DST: variants seen among roughly 807,000 people sequenced by gnomAD.
The protein encoded by DST is dystonin.
Under a neutral mutation model 875.2 loss-of-function variants are expected in DST, and 253 were observed. That is an observed-to-expected ratio of 0.29 (90% confidence interval 0.26 to 0.32). The LOEUF is 0.32. Ranked by LOEUF, DST falls within the 10% of genes least tolerant of loss-of-function variation. The pLI is 1.00. For missense variants in DST, 8,287 were observed against 9,111.6 expected (o/e 0.91, Z 3.68); for synonymous variants, 3,124 against 3,197.1 (o/e 0.98, Z 0.77).
chr6:56,698,061 A>G (rs1022165535), intron 9 of DST, among the ~76,000 whole-genome samples: 15 of 152,316 alleles, frequency 9.8e-5, no homozygotes, highest in African/African-American at 3.6e-4. Flanking sequence ...TGACATTAAC[A>G]GCTCAGCTAA....
chr6:56,886,776 C>CA (rs35735421), intron 3 of DST, among the ~76,000 whole-genome samples: 9,129 of 81,590 alleles, frequency 0.11, 436 homozygotes, highest in East Asian at 0.26. Flanking sequence ...AACTCAGTCT[C>CA]AAAAAAAAAA....
intron 5 of DST, 74 bp from the exon 6 acceptor site, chr6:56,704,443 G>A (rs2099324538): frequency 1.5e-6 from 1 of 687,688 alleles, no homozygotes; most frequent in Non-Finnish European, 2.4e-6. Flanking sequence ...ATAAAAAGGA[G>A]ACAAGTAGAA....
At chr6:56,566,012 A>G (rs923217700) in intron 55 of DST, among the ~76,000 whole-genome samples, 2 of 152,060 alleles carry the variant, frequency 1.3e-5, no homozygotes, top group Non-Finnish European at 2.9e-5. Flanking sequence ...AAAACCACCT[A>G]CTCAAGCCTC....
chr6:56,489,430 T>C (rs966812377), intron 86 of DST, 60 bp downstream of exon 86: 67 of 1,516,810 alleles, frequency 4.4e-5, no homozygotes, highest in African/African-American at 1.7e-4. Flanking sequence ...GAAGTAAGGA[T>C]TTTAAAGTGA....
At chr6:56,755,720 T>C (rs983536047) in intron 4 of DST, among the ~76,000 whole-genome samples, 1 of 152,264 alleles carries the variant, frequency 6.6e-6, no homozygotes, top group Non-Finnish European at 1.5e-5. Flanking sequence ...TTGAAATTTA[T>C]TCCCATTTTC....
intron 4 of DST, among the ~76,000 whole-genome samples, chr6:56,802,695 A>G (rs2099748611): frequency 6.6e-6 from 1 of 152,130 alleles, no homozygotes; most frequent in African/African-American, 2.4e-5. Flanking sequence ...CTTTACACAC[A>G]TTACACCCAT....
At chr6:56,647,795 C>T (rs1395010887) in intron 13 of DST, among the ~76,000 whole-genome samples, 1 of 151,590 alleles carries the variant, frequency 6.6e-6, no homozygotes, top group Non-Finnish European at 1.5e-5. Flanking sequence ...AAGCGATTCT[C>T]CTGCCTCAGC....
chr6:56,689,629 G>A (rs563294558), intron 9 of DST, among the ~76,000 whole-genome samples: 1 of 152,256 alleles, frequency 6.6e-6, no homozygotes, highest in Non-Finnish European at 1.5e-5. Context: ...TGCAGAATAA[G>A]AATAGTAAAA....
chr6:56,483,527 C>CTTTTTTTTTTTTTTT (rs138042978), intron 88 of DST: 3 of 60,038 alleles, frequency 5.0e-5, no homozygotes, highest in African/African-American at 7.6e-5. Flanking sequence ...TCTGGGTTTG[C>CTTTTTTTTTTTTTTT]TTTTTTTTTT....
Position 56,532,173 on chromosome 6 carries a change from T to C in DST, c.17108+171A>G, listed in dbSNP as rs76719221. Among the ~76,000 whole-genome samples, 1,418 of 152,250 alleles carry C rather than the reference T, an allele frequency of 9.3e-3. 21 individuals are homozygous for C. The highest frequency in any genetic ancestry group is 0.032 in the African/African-American group (1,314 of 41,556). On this transcript the variant is annotated intron_variant, in intron 64 of 103. Coordinates refer to ENST00000680361, the MANE Select transcript of DST (RefSeq NM_001374736.1). Reference sequence around the variant, plus strand: ...GTTGGGATATAGCGGTGACAAGCCATTACCATTAGAGGAATGAGGAAAGAG... The same window carrying C: ...GTTGGGATATAGCGGTGACAAGCCACTACCATTAGAGGAATGAGGAAAGAG...
chr6:56,557,286 T>A lies in DST; in HGVS notation c.14640+33A>T, dbSNP rs527871129. The stretch of plus-strand genomic sequence containing the variant: ...TTGGTCTCAGTAAGTCAAATTGCTA[T>A]GCACGAGAGACAGGTTATTAGGTAA... On this transcript the variant is annotated intron_variant, in intron 59 of 103. Transcript: ENST00000680361. 7.6e-6 allele frequency: 12 copies of A among 1,583,410 alleles called. 2 individuals are homozygous for A. In the South Asian group the frequency reaches 1.2e-4, roughly 15 times the overall value.
chr6:56,471,082 A>T (rs567180315), intron 95 of DST, 24 bp downstream of exon 95: 1 of 1,602,800 alleles, frequency 6.2e-7, no homozygotes, highest in Admixed American at 1.7e-5. Context: ...TGTATCAGTC[A>T]TAGTCATCTG....
At chr6:56,927,695 A>T (rs898830081) in intron 2 of DST, among the ~76,000 whole-genome samples, 1 of 152,228 alleles carries the variant, frequency 6.6e-6, no homozygotes, top group African/African-American at 2.4e-5. Context: ...TTAGAAAAAA[A>T]TGAGCAACTG....
intron 77 of DST, 34 bp from the exon 78 acceptor site, chr6:56,504,132 C>T (rs1199830257): frequency 6.9e-7 from 1 of 1,441,352 alleles, no homozygotes; most frequent in South Asian, 1.2e-5. Flanking sequence ...GTTGTTACAA[C>T]AGTACATTTG....
At chr6:56,741,269 A>C (rs1287458632) in intron 4 of DST, among the ~76,000 whole-genome samples, 1 of 152,208 alleles carries the variant, frequency 6.6e-6, no homozygotes, top group Non-Finnish European at 1.5e-5. Flanking sequence ...ACTGCTAATA[A>C]CATGATATTT....
chr6:56,800,140 C>T (rs2099745034), intron 4 of DST, among the ~76,000 whole-genome samples: 1 of 152,114 alleles, frequency 6.6e-6, no homozygotes, highest in Non-Finnish European at 1.5e-5. Flanking sequence ...CCACCAGACA[C>T]ATTTAAACAT....
intron 4 of DST, among the ~76,000 whole-genome samples, chr6:56,804,382 C>T (rs1345047122): frequency 6.6e-6 from 1 of 151,736 alleles, no homozygotes; most frequent in Non-Finnish European, 1.5e-5. Context: ...TAATTATGAC[C>T]CTAGTTTCAC....
chr6:56,601,312 G>A, intron 44 of DST, 131 bp downstream of exon 44: 1 of 623,074 alleles, frequency 1.6e-6, no homozygotes, highest in Non-Finnish European at 2.9e-6. Flanking sequence ...TGTAGGATTT[G>A]TATGTACACT....
chr6:56,615,173 T>C, intron 36 of DST: 1 of 1,096,298 alleles, frequency 9.1e-7, no homozygotes, highest in Non-Finnish European at 1.1e-6. Flanking sequence ...ATTTAATAAA[T>C]GATCACTATT....
Sources: gnomAD v4.1 joint callset for allele counts (sites outside exome capture counted in the v4.1 genomes callset) on GRCh38, gnomAD v4.1.1 for gene constraint, MANE v1.5 for transcripts, NCBI Gene and HGNC (gene_info 2026-07-23, HGNC 2026-07-21) for gene names.